The following CNTN5 variants were observed in gnomAD, a reference collection of about 807,000 sequenced individuals.
CNTN5 encodes contactin 5, also known as contactin-5.
CNTN5 carries 77 observed loss-of-function variants against 129.1 expected under a neutral mutation model. The ratio of observed to expected loss-of-function variants is 0.60; its 90% confidence interval spans 0.50 to 0.72. The LOEUF is 0.72. Ranked by LOEUF, CNTN5 falls within the 30% of genes least tolerant of loss-of-function variation. CNTN5 has a pLI of 0.00. For synonymous variants in CNTN5, 509 were observed against 465.6 expected (o/e 1.09, Z -1.20); for missense variants, 1,478 against 1,328.8 (o/e 1.11, Z -1.75).
chr11:99,859,513 A>G (rs1033452845), intron 6 of CNTN5, among the ~76,000 whole-genome samples: 1 of 151,864 alleles, frequency 6.6e-6, no homozygotes, highest in Non-Finnish European at 1.5e-5. Context: ...CCCCAACCCC[A>G]CTTAATAGTT....
At chr11:100,058,784 G>C (rs7940957) in intron 9 of CNTN5, among the ~76,000 whole-genome samples, 48,955 of 151,906 alleles carry the variant, frequency 0.32, 8,312 homozygotes, top group East Asian at 0.48. Context: ...TACACTTAAC[G>C]GTTATAATCT....
intron 1 of CNTN5, among the ~76,000 whole-genome samples, chr11:99,224,636 A>T (rs1860577900): frequency 6.8e-6 from 1 of 146,734 alleles, no homozygotes; most frequent in South Asian, 2.2e-4. Context: ...CAGATTAAAG[A>T]GTCTCGTCTC....
chr11:99,461,957 C>G (rs1166105009), intron 2 of CNTN5, among the ~76,000 whole-genome samples: 1 of 152,040 alleles, frequency 6.6e-6, no homozygotes, highest in East Asian at 1.9e-4. Context: ...CCTAAAACTT[C>G]AAAGCATGTT....
At chr11:99,275,089 T>A (rs1863363240) in intron 1 of CNTN5, among the ~76,000 whole-genome samples, 1 of 151,316 alleles carries the variant, frequency 6.6e-6, no homozygotes, top group South Asian at 2.1e-4. Flanking sequence ...TAGTTAATTA[T>A]AAAATATTTA....
chr11:99,031,362 T>A (rs1863364296), intron 1 of CNTN5, among the ~76,000 whole-genome samples: 1 of 152,140 alleles, frequency 6.6e-6, no homozygotes, highest in Non-Finnish European at 1.5e-5. Flanking sequence ...ACCCGTGCAA[T>A]AAGTAAACCT....
At chr11:99,364,698 A>G (rs940830292) in intron 2 of CNTN5, among the ~76,000 whole-genome samples, 11 of 152,178 alleles carry the variant, frequency 7.2e-5, no homozygotes, top group African/African-American at 2.7e-4. Flanking sequence ...AGAATAAGAT[A>G]CTTTCATTTG....
rs1228867633 is a variant in CNTN5 at position 100,255,757 on chromosome 11, T to C, written c.2006-3T>C. 2.5e-6 allele frequency: 4 copies of C among 1,613,448 alleles called. No individual in the cohort carries two copies. The highest frequency in any genetic ancestry group is 1.7e-5 in the Admixed American group (1 of 60,002). The stretch of plus-strand genomic sequence containing the variant: ...AACTTTATCCATTGCCTTTGACCTA[T>C]AGGACCCCCAGGCCCACCTGGGATA... On this transcript the variant is annotated splice_polypyrimidine_tract_variant and splice_region_variant and intron_variant, in intron 16 of 24. Transcript: ENST00000524871.
intron 3 of CNTN5, among the ~76,000 whole-genome samples, chr11:99,783,789 G>C (rs1247278769): frequency 6.6e-6 from 1 of 150,772 alleles, no homozygotes; most frequent in Non-Finnish European, 1.5e-5. Context: ...ATGGACACAG[G>C]AAGGGGAATA....
At chr11:100,319,295 G>A (rs1292105326) in intron 21 of CNTN5, among the ~76,000 whole-genome samples, 2 of 151,958 alleles carry the variant, frequency 1.3e-5, no homozygotes, top group Non-Finnish European at 2.9e-5. Context: ...TGGGATTACA[G>A]GCACGCACCA....
intron 20 of CNTN5, among the ~76,000 whole-genome samples, chr11:100,306,635 T>A (rs774386474): frequency 2.6e-5 from 4 of 151,682 alleles, no homozygotes; most frequent in African/African-American, 4.8e-5. Flanking sequence ...CTCAGAAACA[T>A]CAACATTCTT....
At chr11:99,094,216 T>C (rs1866376886) in intron 1 of CNTN5, among the ~76,000 whole-genome samples, 2 of 151,944 alleles carry the variant, frequency 1.3e-5, no homozygotes, top group South Asian at 4.1e-4. Flanking sequence ...AATTATAAAA[T>C]GCTGTTTTCA....
intron 13 of CNTN5, among the ~76,000 whole-genome samples, chr11:100,129,291 A>G (rs1946298896): frequency 6.6e-6 from 1 of 152,172 alleles, no homozygotes; most frequent in South Asian, 2.1e-4. Context: ...TTCTATTCAC[A>G]GCTAGAAATT....
chr11:99,520,359 A>G (rs983032908), intron 2 of CNTN5, among the ~76,000 whole-genome samples: 4 of 151,884 alleles, frequency 2.6e-5, no homozygotes, highest in Non-Finnish European at 4.4e-5. Context: ...TTCTCTTTGT[A>G]CTCCCCCAAT....
intron 2 of CNTN5, among the ~76,000 whole-genome samples, chr11:99,373,629 C>T (rs1021779420): frequency 9.6e-5 from 14 of 145,742 alleles, no homozygotes; most frequent in Non-Finnish European, 1.6e-4. Flanking sequence ...AGGAGAATCG[C>T]TTGAACCTGG....
At chr11:99,555,648 A>C (rs1429063677) in intron 2 of CNTN5, among the ~76,000 whole-genome samples, 1 of 151,942 alleles carries the variant, frequency 6.6e-6, no homozygotes. Context: ...AAACAAAGGA[A>C]GTTGACATTA....
At chr11:99,995,410 T>C (rs1417679687) in intron 8 of CNTN5, among the ~76,000 whole-genome samples, 1 of 152,028 alleles carries the variant, frequency 6.6e-6, no homozygotes, top group Non-Finnish European at 1.5e-5. Flanking sequence ...TCTAAACTTA[T>C]CCATATGCTT....
chr11:99,445,137 T>A (rs1474272589), intron 2 of CNTN5, among the ~76,000 whole-genome samples: 1 of 149,238 alleles, frequency 6.7e-6, no homozygotes, highest in Non-Finnish European at 1.5e-5. Context: ...TAAGTGTCCC[T>A]ATTTAATCAT....
intron 1 of CNTN5, among the ~76,000 whole-genome samples, chr11:99,145,309 A>T (rs1859726358): frequency 6.6e-6 from 1 of 151,834 alleles, no homozygotes; most frequent in African/African-American, 2.4e-5. Flanking sequence ...GACTCAAATG[A>T]TTCACCCACC....
intron 3 of CNTN5, among the ~76,000 whole-genome samples, chr11:99,718,981 A>T (rs976559713): frequency 1.3e-5 from 2 of 152,096 alleles, no homozygotes; most frequent in Non-Finnish European, 2.9e-5. Context: ...ATAAAGAAAA[A>T]ATGATAGAGT....
Sources: gnomAD v4.1 joint callset for allele counts (sites outside exome capture counted in the v4.1 genomes callset) on GRCh38, gnomAD v4.1.1 for gene constraint, MANE v1.5 for transcripts, NCBI Gene and HGNC (gene_info 2026-07-23, HGNC 2026-07-21) for gene names.